Variants in MTR observed in about 807,000 individuals in gnomAD.
The protein encoded by MTR is methionine synthase.
MTR carries 84 observed loss-of-function variants against 154.8 expected under a neutral mutation model. That is an observed-to-expected ratio of 0.54 (90% CI 0.45 to 0.65). MTR has a LOEUF of 0.65. Among genes scored for constraint, MTR ranks in the 30% least tolerant of loss-of-function variants. The pLI, the probability that MTR is intolerant of heterozygous loss-of-function variation, is 0.00. For synonymous variants in MTR, 554 were observed against 553.9 expected, an observed-to-expected ratio of 1.00 and a Z score of 0.00; for missense variants, 1,275 against 1,570.2, an observed-to-expected ratio of 0.81 and a Z score of 3.18.
At chr1:236,861,047 TGGAG>T in intron 19 of MTR, 74 bp from the exon 20 acceptor site, 2 of 1,269,478 alleles carry the variant, frequency 1.6e-6, no homozygotes, top group South Asian at 2.8e-5. Context: ...GATGGCTCTG[TGGAG>T]GTAAGGCAGT....
At chr1:236,863,627 C>T in intron 22 of MTR, 73 bp downstream of exon 22, 1 of 1,303,426 alleles carries the variant, frequency 7.7e-7, no homozygotes, top group Non-Finnish European at 1.1e-6. Context: ...AATAATTCTT[C>T]AATGGGTGGG....
At chr1:236,809,678 A>G (rs962733694) in intron 4 of MTR, among the ~76,000 whole-genome samples, 4 of 152,182 alleles carry the variant, frequency 2.6e-5, no homozygotes, top group African/African-American at 9.7e-5. Flanking sequence ...ATGCAAAAGA[A>G]TATTTGGGCC....
At chr1:236,891,988 A>G (rs1666350755) in intron 29 of MTR, among the ~76,000 whole-genome samples, 1 of 151,776 alleles carries the variant, frequency 6.6e-6, no homozygotes, top group African/African-American at 2.4e-5. Context: ...ACGAGAACAG[A>G]CTCTTCTCAG....
chr1:236,810,752 T>C (rs1661255326), intron 5 of MTR, among the ~76,000 whole-genome samples, 157 bp downstream of exon 5: 3 of 152,202 alleles, frequency 2.0e-5, no homozygotes, highest in African/African-American at 4.8e-5. Flanking sequence ...TGGAATATAG[T>C]AGACATCTAA....
At chr1:236,889,518 A>G (rs1666202490) in intron 28 of MTR, among the ~76,000 whole-genome samples, 182 bp downstream of exon 28, 1 of 152,206 alleles carries the variant, frequency 6.6e-6, no homozygotes, top group Admixed American at 6.5e-5. Context: ...TTATTGCATC[A>G]ACTAAATTTG....
intron 8 of MTR, among the ~76,000 whole-genome samples, chr1:236,820,788 G>C (rs779127308): frequency 3.1e-4 from 47 of 152,278 alleles, no homozygotes; most frequent in Non-Finnish European, 5.3e-4. Flanking sequence ...GAGAGTTCCT[G>C]TTGTTCCGCA....
intron 8 of MTR, among the ~76,000 whole-genome samples, 160 bp downstream of exon 8, chr1:236,816,703 G>C (rs892944243): frequency 1.1e-4 from 16 of 152,122 alleles, no homozygotes; most frequent in African/African-American, 3.9e-4. Flanking sequence ...TTCCCTAAAG[G>C]TTTCAGAAGA....
chr1:236,886,786 G>T (rs1046716544), intron 27 of MTR, among the ~76,000 whole-genome samples: 1 of 152,192 alleles, frequency 6.6e-6, no homozygotes, highest in Non-Finnish European at 1.5e-5. Flanking sequence ...GTGGAAACCT[G>T]CCTGGGTGGT....
intron 3 of MTR, among the ~76,000 whole-genome samples, chr1:236,807,366 G>A (rs1036623851): frequency 6.6e-6 from 1 of 152,094 alleles, no homozygotes; most frequent in African/African-American, 2.4e-5. Context: ...TAGAGACAGG[G>A]TTTTGCCATG....
chr1:236,853,608 A>C (rs2385500), intron 18 of MTR, among the ~76,000 whole-genome samples: 53,209 of 152,014 alleles, frequency 0.35, 10,153 homozygotes, highest in East Asian at 0.44. Flanking sequence ...TACTGGGAAC[A>C]TATTTCCATT....
rs191474488 is a variant in MTR, at chr1:236,846,421, G to A, written c.1516-3923G>A. Among the ~76,000 whole-genome samples the A allele has an allele frequency of 9.2e-5, 14 of 152,210 alleles. No individual in the cohort carries two copies. In the East Asian group the frequency reaches 2.7e-3, roughly 29 times the overall value. On this transcript the variant is annotated intron_variant, in intron 15 of 32. Transcript: ENST00000366577. ...TCTATATTAGTTTTTGTTTGCACAT[G>A]TGTAAACTATATAAAAGAATAATCA... is the stretch of plus-strand genomic sequence containing the variant.
chr1:236,841,365 A>G (rs61831821), intron 15 of MTR, among the ~76,000 whole-genome samples: 1 of 151,984 alleles, frequency 6.6e-6, no homozygotes, highest in Non-Finnish European at 1.5e-5. Context: ...TTTGTTTTCT[A>G]TGAAGGTAAT....
At chr1:236,873,724 C>G in intron 22 of MTR, 49 bp from the exon 23 acceptor site, 1 of 1,490,914 alleles carries the variant, frequency 6.7e-7, no homozygotes, top group Non-Finnish European at 9.4e-7. Context: ...TCAGTTTTGT[C>G]TCTAATGGGC....
At chr1:236,866,229 G>A (rs953768288) in intron 22 of MTR, among the ~76,000 whole-genome samples, 6 of 152,134 alleles carry the variant, frequency 3.9e-5, no homozygotes, top group East Asian at 1.9e-4. Flanking sequence ...CTCATTTCAC[G>A]TCTCTGTGTC....
At position 236,850,338 on chromosome 1, in the gene MTR, C is replaced by T. The variant is rs1050424373; in HGVS notation, c.1516-6C>T. 6 of 1,609,832 alleles carry T rather than the reference C, an allele frequency of 3.7e-6. No individual in the cohort carries two copies. The highest frequency in any genetic ancestry group is 1.7e-5 in the Admixed American group (1 of 59,816). ...TTCAAACTACATCTTTTGCTCTTTT[C>T]CCTAGGCAACAGAAACAGACACAAA... is the stretch of plus-strand genomic sequence containing the variant. On this transcript the variant is annotated splice_region_variant and splice_polypyrimidine_tract_variant and intron_variant, in intron 15 of 32. Transcript: ENST00000366577.
Position 236,812,729 on chromosome 1 carries a change from T to G in MTR, c.503-9T>G, listed in dbSNP as rs1661375615. 1 of 1,612,974 alleles carries G rather than the reference T, an allele frequency of 6.2e-7. No homozygotes were observed. On this transcript the variant is annotated splice_polypyrimidine_tract_variant and intron_variant, in intron 5 of 32. Transcript: ENST00000366577. ...GACTGATGTGCTGGGTGTGATTTAT[T>G]TTTTGCAGCATTTGATGAGCTTGTT...
intron 11 of MTR, among the ~76,000 whole-genome samples, chr1:236,827,170 G>A (rs563989980): frequency 2.0e-5 from 3 of 152,192 alleles, no homozygotes; most frequent in African/African-American, 2.4e-5. Context: ...AAGCAAGACC[G>A]TGTCAAGACA....
chr1:236,893,822 G>A (rs1229511202), intron 29 of MTR, among the ~76,000 whole-genome samples: 1 of 152,032 alleles, frequency 6.6e-6, no homozygotes, highest in East Asian at 1.9e-4. Context: ...GTCCTCAGCC[G>A]GCTCCTGTAT....
rs185180202 is a variant in MTR, at chr1:236,852,278, C to A, written c.1696-243C>A. On this transcript the variant is annotated intron_variant, in intron 16 of 32. Transcript: ENST00000366577. ...CTGCGTGTGTGTGTGTGTGTGTGTA[C>A]GCGCGTGTTCTCCTTAGGGAGATTG... Among the ~76,000 whole-genome samples the A allele has an allele frequency of 1.0e-4, 15 of 145,130 alleles. No individual in the cohort carries two copies. The East Asian group carries it at 2.8e-3, about 27-fold the overall frequency.
Sources: allele counts gnomAD v4.1 joint callset (sites outside exome capture counted in the v4.1 genomes callset), GRCh38; gene constraint gnomAD v4.1.1; transcripts MANE v1.5; gene names NCBI Gene and HGNC (gene_info 2026-07-23, HGNC 2026-07-21).